Variants in KCNAB1 observed in about 807,000 individuals in gnomAD.
The protein encoded by KCNAB1 is voltage-gated potassium channel subunit beta-1.
Under a neutral mutation model 64.6 loss-of-function variants are expected in KCNAB1, and 35 were observed. The observed-to-expected ratio is 0.54, with a 90% CI of 0.41 to 0.72. KCNAB1 has a LOEUF of 0.72. KCNAB1 is among the 30% of genes least tolerant of loss of function. The pLI, the probability that KCNAB1 is intolerant of heterozygous loss-of-function variation, is 0.00. For synonymous variants in KCNAB1, 177 were observed against 183.8 expected (o/e 0.96, Z 0.30); for missense variants, 401 against 512.9 (o/e 0.78, Z 2.11).
chr3:156,206,921 C>T (rs1053152076), intron 1 of KCNAB1, among the ~76,000 whole-genome samples: 1 of 152,158 alleles, frequency 6.6e-6, no homozygotes, highest in Non-Finnish European at 1.5e-5. Context: ...ATTTCTGTTT[C>T]TCATTTATTT....
intron 1 of KCNAB1, among the ~76,000 whole-genome samples, chr3:156,334,066 C>T (rs1024498350): frequency 2.0e-4 from 30 of 152,030 alleles, no homozygotes; most frequent in African/African-American, 6.5e-4. Flanking sequence ...CTTTAAAAAC[C>T]CTAAAAGCCC....
intron 1 of KCNAB1, among the ~76,000 whole-genome samples, chr3:156,361,228 C>T (rs1429865142): frequency 6.6e-6 from 1 of 152,168 alleles, no homozygotes; most frequent in Non-Finnish European, 1.5e-5. Flanking sequence ...GCCCCTCCTA[C>T]TCCAGCGCCT....
chr3:156,497,605 A>G (rs1417248505), intron 8 of KCNAB1, among the ~76,000 whole-genome samples: 1 of 152,246 alleles, frequency 6.6e-6, no homozygotes, highest in Admixed American at 6.5e-5. Context: ...TAAGGATGAC[A>G]TTTACACAAT....
rs67167156 is a variant in KCNAB1, at chr3:156,120,699, G to A, written c.88G>A (p.Gly30Arg). The A allele has an allele frequency of 1.3e-5, 21 of 1,614,242 alleles. No individual in the cohort carries two copies. The African/African-American group carries it at 2.4e-4, about 18-fold the overall frequency. Reference protein sequence around the residue: ...LRRQSGFSVAGKDKSPKKASE... With the variant: ...LRRQSGFSVARKDKSPKKASE... ...GAGACAGTCTGGGTTTTCTGTAGCA[G>A]GGAAAGACAAATCTCCCAAGAAAGC... is the stretch of plus-strand genomic sequence containing the variant. The change falls in exon 1 of 14, where the codon GGG becomes AGG. Residue 30 changes from glycine to arginine, a missense_variant. By Grantham distance (125) the Gly-to-Arg change is moderately radical (BLOSUM62 -2). Coordinates refer to ENST00000490337, the MANE Select transcript of KCNAB1 (RefSeq NM_172160.3).
At chr3:156,174,656 T>C (rs1356304675) in intron 1 of KCNAB1, among the ~76,000 whole-genome samples, 1 of 152,190 alleles carries the variant, frequency 6.6e-6, no homozygotes, top group Non-Finnish European at 1.5e-5. Flanking sequence ...GCTGGTTAGT[T>C]ATCCCATACA....
chr3:156,270,208 G>A (rs1346886439), intron 1 of KCNAB1, among the ~76,000 whole-genome samples: 3 of 152,014 alleles, frequency 2.0e-5, no homozygotes, highest in Non-Finnish European at 2.9e-5. Flanking sequence ...GAGCCACTGC[G>A]CCCGGCCATA....
At position 156,393,356 on chromosome 3, in the gene KCNAB1, A is replaced by G. The variant is rs1335991998; in HGVS notation, c.276-28260A>G. Among the ~76,000 whole-genome samples, 6 of 152,094 alleles carry G rather than the reference A, an allele frequency of 3.9e-5. No individual in the cohort carries two copies. In the East Asian group the frequency reaches 1.2e-3, roughly 29 times the overall value. On this transcript the variant is annotated intron_variant, in intron 1 of 13. Coordinates refer to ENST00000490337, the MANE Select transcript of KCNAB1 (RefSeq NM_172160.3). ...AGAGCAAACACATCCCACTCATCTCACTTCTGCACCTTCTCTAGCCACACC... is the reference window on the plus strand; with the variant it reads ...AGAGCAAACACATCCCACTCATCTCGCTTCTGCACCTTCTCTAGCCACACC...
intron 11 of KCNAB1, among the ~76,000 whole-genome samples, chr3:156,518,065 A>C (rs1717674635): frequency 6.6e-6 from 1 of 152,216 alleles, no homozygotes. Flanking sequence ...AAAAGCTTGC[A>C]AACAGCTGAA....
At chr3:156,261,249 A>G (rs1012544069) in intron 1 of KCNAB1, among the ~76,000 whole-genome samples, 2 of 152,140 alleles carry the variant, frequency 1.3e-5, no homozygotes, top group Non-Finnish European at 1.5e-5. Context: ...TTTTATTTTT[A>G]GGAAGTTCAA....
At chr3:156,338,922 A>G (rs769640624) in intron 1 of KCNAB1, among the ~76,000 whole-genome samples, 15 of 152,210 alleles carry the variant, frequency 9.9e-5, no homozygotes, top group Non-Finnish European at 2.1e-4. Flanking sequence ...TGACCACAAT[A>G]CGGCCTCAAC....
chr3:156,123,824 AT>A (rs1224321788), intron 1 of KCNAB1, among the ~76,000 whole-genome samples: 2 of 152,218 alleles, frequency 1.3e-5, no homozygotes, highest in East Asian at 3.8e-4. Flanking sequence ...TAAAAAAAGT[AT>A]TGTTTTTGAA....
intron 1 of KCNAB1, among the ~76,000 whole-genome samples, chr3:156,338,552 TCCACCCA>T (rs1723890837): frequency 6.6e-6 from 1 of 152,086 alleles, no homozygotes; most frequent in African/African-American, 2.4e-5. Context: ...CCTCAGGTGA[TCCACCCA>T]CCTTGGCCTC....
Position 156,205,447 on chromosome 3 carries a change from G to A in KCNAB1, c.275+84561G>A, listed in dbSNP as rs886669770. On this transcript the variant is annotated intron_variant, in intron 1 of 13. Coordinates refer to ENST00000490337, the MANE Select transcript of KCNAB1 (RefSeq NM_172160.3). ...TTCAGGTGTAATAGAATTTGATGGC[G>A]TTAATAAATATAAAAGTGAATTTGC... Among the ~76,000 whole-genome samples, 10 of 152,250 alleles carry A rather than the reference G, an allele frequency of 6.6e-5. No individual in the cohort carries two copies. In the South Asian group the frequency reaches 8.3e-4, roughly 13 times the overall value.
intron 1 of KCNAB1, among the ~76,000 whole-genome samples, chr3:156,322,564 C>T (rs1722731233): frequency 6.6e-6 from 1 of 152,122 alleles, no homozygotes; most frequent in Admixed American, 6.6e-5. Flanking sequence ...AAATACTACA[C>T]CATCTTAACT....
At chr3:156,392,231 CT>C (rs1713095967) in intron 1 of KCNAB1, among the ~76,000 whole-genome samples, 1 of 152,206 alleles carries the variant, frequency 6.6e-6, no homozygotes, top group Non-Finnish European at 1.5e-5. Context: ...GGAAAAACAC[CT>C]TTCCCTTATT....
chr3:156,301,033 G>T (rs556674799), intron 1 of KCNAB1, among the ~76,000 whole-genome samples: 1 of 152,248 alleles, frequency 6.6e-6, no homozygotes, highest in African/African-American at 2.4e-5. Flanking sequence ...CCATGGAGGG[G>T]CTCAACTCCA....
intron 1 of KCNAB1, among the ~76,000 whole-genome samples, chr3:156,241,763 G>T (rs1021367036): frequency 5.9e-5 from 9 of 151,444 alleles, no homozygotes; most frequent in Non-Finnish European, 1.5e-5. Context: ...ATTTTTATTC[G>T]TGTTTTCCTT....
At chr3:156,276,565 A>T (rs1442704178) in intron 1 of KCNAB1, among the ~76,000 whole-genome samples, 1 of 152,168 alleles carries the variant, frequency 6.6e-6, no homozygotes, top group Non-Finnish European at 1.5e-5. Context: ...TAGTGTTGTT[A>T]ATAATTATCT....
intron 1 of KCNAB1, among the ~76,000 whole-genome samples, chr3:156,369,584 A>G (rs1726171301): frequency 6.6e-6 from 1 of 152,244 alleles, no homozygotes; most frequent in South Asian, 2.1e-4. Flanking sequence ...TAAGAAAGGA[A>G]AAAAGGAAGG....
Sources: gnomAD v4.1 joint callset for allele counts (sites outside exome capture counted in the v4.1 genomes callset) on GRCh38, gnomAD v4.1.1 for gene constraint, MANE v1.5 for transcripts, NCBI Gene and HGNC (gene_info 2026-07-23, HGNC 2026-07-21) for gene names.